Variants in ITIH3 observed in about 807,000 individuals in gnomAD.
ITIH3 encodes inter-alpha-trypsin inhibitor heavy chain H3.
A neutral mutation model predicts 96.5 loss-of-function variants in ITIH3; 81 were observed. The ratio of observed to expected loss-of-function variants is 0.84; its 90% CI spans 0.70 to 1.01. The LOEUF is 1.01. Among genes scored for constraint, ITIH3 ranks in the 50% least tolerant of loss-of-function variants. ITIH3 has a pLI of 0.00. For missense variants in ITIH3, 1,057 were observed against 1,139.3 expected (o/e 0.93, Z 1.04); for synonymous variants, 422 against 445.2 (o/e 0.95, Z 0.66).
chr3:52,803,211 C>CA (rs1216609407), intron 13 of ITIH3, among the ~76,000 whole-genome samples: 1 of 152,136 alleles, frequency 6.6e-6, no homozygotes, highest in Non-Finnish European at 1.5e-5. Context: ...CAATCTAGCA[C>CA]ATGCTGAGTG....
Position 52,796,490 on chromosome 3 carries a change from G to A in ITIH3, c.124G>A (p.Gly42Ser). 1 of 1,611,936 alleles carries A rather than the reference G, an allele frequency of 6.2e-7. No individual in the cohort carries two copies. Among genetic ancestry groups the A allele is most frequent in the Non-Finnish European group, 8.5e-7 (1 of 1,179,478 alleles). Residue 42 changes from glycine to serine, a missense_variant, in exon 3 of 22, where the codon GGC (glycine) becomes AGC (serine). Coordinates refer to ENST00000449956, the MANE Select transcript of ITIH3 (RefSeq NM_002217.4). ...ACCCACCTCCCCAAAGGTGGCCAAT[G>A]GCATCGAGGTCTACAGTACCAAAAT... is the stretch of plus-strand genomic sequence containing the variant. The part of the protein sequence containing the change: ...KRSLPEGVAN[G>S]IEVYSTKINS...
intron 17 of ITIH3, 32 bp from the exon 18 acceptor site, chr3:52,806,261 G>A (rs377553152): frequency 1.3e-5 from 21 of 1,606,298 alleles, no homozygotes; most frequent in Middle Eastern, 1.7e-4. Flanking sequence ...GAGAGGCCCC[G>A]GGAGTCAGCT....
chr3:52,804,722 G>A lies in ITIH3; in HGVS notation c.1865-4G>A, dbSNP rs755322922. 3.2e-6 allele frequency: 5 copies of A among 1,586,608 alleles called. No homozygotes were observed. Among genetic ancestry groups the A allele is most frequent in the Non-Finnish European group, 3.4e-6 (4 of 1,165,262 alleles). On this transcript the variant is annotated splice_region_variant and splice_polypyrimidine_tract_variant and intron_variant, in intron 14 of 21. Transcript: ENST00000449956. Reference sequence around the variant, plus strand: ...CTCTTCTTCCTCCCTTGCTGCACCTGCAGATGCAGAAGGTAAGCCTTTAGC... The same window carrying A: ...CTCTTCTTCCTCCCTTGCTGCACCTACAGATGCAGAAGGTAAGCCTTTAGC...
At chr3:52,800,051 G>A (rs1699761899) in intron 9 of ITIH3, 130 bp downstream of exon 9, 1 of 796,336 alleles carries the variant, frequency 1.3e-6, no homozygotes, top group African/African-American at 1.7e-5. Flanking sequence ...GGTAGAGGTG[G>A]GAGTGGATGG....
intron 14 of ITIH3, 112 bp downstream of exon 14, chr3:52,804,121 G>A (rs533676769): frequency 1.6e-6 from 2 of 1,219,640 alleles, no homozygotes; most frequent in Admixed American, 4.9e-5. Context: ...TGCTGAAGTA[G>A]GGCATCTGAA....
chr3:52,795,895 C>A, intron 2 of ITIH3: 1 of 476,834 alleles, frequency 2.1e-6, no homozygotes, highest in African/African-American at 1.9e-5. Flanking sequence ...TTGCTGGTAC[C>A]TGGCTCTGTG....
Position 52,807,774 on chromosome 3 carries a change from C to T in ITIH3, c.2289C>T (p.Asn763=), listed in dbSNP as rs755462198. 3 of 1,611,998 alleles carry T rather than the reference C, an allele frequency of 1.9e-6. No individual in the cohort carries two copies. Among genetic ancestry groups the T allele is most frequent in the African/African-American group, 2.7e-5 (2 of 74,936 alleles). ...DGLSMMINRK[N]MVVSFGDGVT... is the part of the protein sequence containing the mutation. ...TGTCCATGATGATCAACAGGAAGAA[C>T]ATGGTGGTCTCCTTTGGAGATGGGG... Residue 763 remains asparagine, a synonymous_variant, in exon 20 of 22, where the codon AAC becomes AAT. Transcript: ENST00000449956.
Position 52,806,923 on chromosome 3 carries a change from C to T in ITIH3, c.2079C>T (p.Ile693=), listed in dbSNP as rs1450406160. Residue 693 remains isoleucine (I), a synonymous_variant, in exon 19 of 22, where the codon ATC becomes ATT. Transcript: ENST00000449956. ...CAGGCCTCACAGTTAATGGGCAGATCACTGGCGACAAGAGAGGCAGCCCTG... is the reference window on the plus strand; with the variant it reads ...CAGGCCTCACAGTTAATGGGCAGATTACTGGCGACAAGAGAGGCAGCCCTG... ...AVTGLTVNGQ[I]TGDKRGSPDS... The T allele has an allele frequency of 6.3e-7, 1 of 1,588,876 alleles. No individual in the cohort carries two copies. The highest frequency in any genetic ancestry group is 8.6e-7 in the Non-Finnish European group (1 of 1,167,474).
Position 52,802,748 on chromosome 3 carries a change from G to A in ITIH3, c.1651G>A (p.Gly551Arg), listed in dbSNP as rs749165416. The A allele has an allele frequency of 9.3e-6, 15 of 1,613,868 alleles. No individual in the cohort carries two copies. Among genetic ancestry groups the A allele is most frequent in the Admixed American group, 1.7e-5 (1 of 60,008 alleles). The change falls in exon 13 of 22, where the codon GGG (glycine) becomes AGG (arginine). Residue 551 changes from glycine (G) to arginine (R), a missense_variant. Gly to Arg is a moderately radical substitution (Grantham distance 125). Transcript: ENST00000449956. ...KALQERDYIF[G>R]NYIERLWAYL... ...CCTGCAGGAGCGGGACTACATCTTC[G>A]GGAATTACATTGAGCGGCTCTGGGC...
At chr3:52,803,718 A>G (rs1699932204) in intron 13 of ITIH3, 137 bp from the exon 14 acceptor site, 2 of 901,034 alleles carry the variant, frequency 2.2e-6, no homozygotes, top group Admixed American at 2.5e-5. Flanking sequence ...TCTGAGCCCA[A>G]CTGGGCTGTA....
At chr3:52,804,284 G>C (rs1232674291) in intron 14 of ITIH3, 1 of 507,216 alleles carries the variant, frequency 2.0e-6, no homozygotes, top group Non-Finnish European at 3.5e-6. Context: ...GAAAAGGACT[G>C]AGGCTGCAGC....
chr3:52,799,475 G>A lies in ITIH3; in HGVS notation c.893G>A (p.Arg298Gln), dbSNP rs765314854. The A allele has an allele frequency of 1.1e-5, 18 of 1,608,752 alleles. No homozygotes were observed. Among genetic ancestry groups the A allele is most frequent in the East Asian group, 4.5e-5 (2 of 44,856 alleles). ...VIDISGSMAG[R>Q]KLEQTKEALL... ...GACATCAGCGGCTCCATGGCTGGTC[G>A]GAAATTAGAGCAGGTAATCAGCACC... is the stretch of plus-strand genomic sequence containing the variant. The change falls in exon 8 of 22, where the codon CGG becomes CAG. Residue 298 changes from arginine to glutamine, a missense_variant. Transcript: ENST00000449956.
intron 2 of ITIH3, 86 bp downstream of exon 2, chr3:52,795,709 C>T: frequency 7.6e-7 from 1 of 1,311,714 alleles, no homozygotes; most frequent in Non-Finnish European, 1.1e-6. Flanking sequence ...TAGGCTATAA[C>T]AGCTGACTCC....
At chr3:52,804,768 A>G in intron 15 of ITIH3, 34 bp downstream of exon 15, 3 of 1,582,766 alleles carry the variant, frequency 1.9e-6, no homozygotes, top group South Asian at 2.3e-5. Flanking sequence ...GTTGGGCATT[A>G]TGGAAGGGAG....
At chr3:52,795,671 G>A in intron 2 of ITIH3, 48 bp downstream of exon 2, 1 of 1,586,398 alleles carries the variant, frequency 6.3e-7, no homozygotes, top group Non-Finnish European at 8.6e-7. Flanking sequence ...AGGGCAGGAT[G>A]GAGCTGGTTC....
chr3:52,808,116 T>C lies in ITIH3; in HGVS notation c.2438T>C (p.Phe813Ser), dbSNP rs774825146. ...SAQTHGLLGQ[F>S]FQPFDFKVSD... ...TGAATATTTTTCTTCCCAGGGCAAT[T>C]CTTCCAACCCTTTGACTTTAAAGTG... Residue 813 changes from phenylalanine to serine, a missense_variant, in exon 21 of 22, where the codon TTC (phenylalanine) becomes TCC (serine). Physicochemically the swap from Phe to Ser is radical, Grantham distance 155 (BLOSUM62 -2). Transcript: ENST00000449956. The C allele has an allele frequency of 1.9e-6, 3 of 1,613,920 alleles. No individual in the cohort carries two copies. Among genetic ancestry groups the C allele is most frequent in the East Asian group, 4.5e-5 (2 of 44,888 alleles).
chr3:52,805,611 A>G, intron 15 of ITIH3, 197 bp from the exon 16 acceptor site: 1 of 1,395,786 alleles, frequency 7.2e-7, no homozygotes, highest in Non-Finnish European at 9.3e-7. Flanking sequence ...ATCACATCCC[A>G]TTGCCACCAG....
chr3:52,800,840 C>T, intron 10 of ITIH3, 125 bp from the exon 11 acceptor site: 1 of 1,476,412 alleles, frequency 6.8e-7, no homozygotes, highest in Non-Finnish European at 9.2e-7. Flanking sequence ...CCACCTGCCC[C>T]ACAAGGGCTC....
At chr3:52,805,464 A>C (rs1437137695) in intron 15 of ITIH3, 2 of 1,111,788 alleles carry the variant, frequency 1.8e-6, no homozygotes, top group African/African-American at 3.3e-5. Flanking sequence ...GACAGCCGTG[A>C]GCCTCACTCA....
Sources: gnomAD v4.1 joint callset for allele counts (sites outside exome capture counted in the v4.1 genomes callset) on GRCh38, gnomAD v4.1.1 for gene constraint, MANE v1.5 for transcripts, NCBI Gene and HGNC (gene_info 2026-07-23, HGNC 2026-07-21) for gene names.